The following DSCAM variants were observed in gnomAD, a reference collection of about 807,000 sequenced individuals.
DSCAM encodes the protein cell adhesion molecule DSCAM.
A neutral mutation model predicts 217.7 loss-of-function variants in DSCAM; 47 were observed. The ratio of observed to expected loss-of-function variants is 0.22; its 90% CI spans 0.17 to 0.28. The LOEUF is 0.28. Among genes scored for constraint, DSCAM ranks in the 10% least tolerant of loss-of-function variants. The pLI, the probability that DSCAM is intolerant of heterozygous loss-of-function variation, is 1.00. For missense variants in DSCAM, 2,080 were observed against 2,618.3 expected (o/e 0.79, Z 4.49); for synonymous variants, 1,056 against 1,015.3 (o/e 1.04, Z -0.76).
chr21:40,343,064 T>G (rs977622571), intron 6 of DSCAM, among the ~76,000 whole-genome samples: 10 of 152,178 alleles, frequency 6.6e-5, no homozygotes, highest in African/African-American at 2.4e-4. Flanking sequence ...ATCTTATGTT[T>G]TATGTTATTG....
chr21:40,124,124 T>C, intron 20 of DSCAM, 71 bp downstream of exon 20: 2 of 1,595,558 alleles, frequency 1.3e-6, no homozygotes, highest in South Asian at 1.1e-5. Flanking sequence ...GGAACGAAAC[T>C]GTCCAGTGCG....
chr21:40,042,509 C>G lies in DSCAM; in HGVS notation c.5548G>C (p.Gly1850Arg), dbSNP rs2088771016. The change falls in exon 32 of 33, where the codon GGG (glycine) becomes CGG (arginine). Residue 1850 changes from glycine (G) to arginine (R), a missense_variant. This residue lies in a region of DSCAM where 1,144 missense variants were observed against 1,421.1 expected (regional missense o/e 0.81). Transcript: ENST00000400454. ...SDTSSEQLTAGTNEYTDSLTS... is the reference protein window; with the variant it reads ...SDTSSEQLTARTNEYTDSLTS... ...AGACTGTCCGTGTACTCATTTGTCC[C>G]TGCCGTCAACTGCTCCGATGACGTG... 6.2e-7 allele frequency: 1 copy of G among 1,614,072 alleles called. No individual in the cohort carries two copies. The highest frequency in any genetic ancestry group is 1.3e-5 in the African/African-American group (1 of 74,922).
intron 3 of DSCAM, among the ~76,000 whole-genome samples, chr21:40,517,944 C>G (rs2076316583): frequency 6.6e-6 from 1 of 152,046 alleles, no homozygotes; most frequent in African/African-American, 2.4e-5. Flanking sequence ...GCACATGGCT[C>G]TGAGTATGAG....
At chr21:40,031,835 C>A (rs2088531024) in intron 32 of DSCAM, among the ~76,000 whole-genome samples, 1 of 152,186 alleles carries the variant, frequency 6.6e-6, no homozygotes, top group South Asian at 2.1e-4. Flanking sequence ...CCATCATTTC[C>A]AGTAAGAGTC....
At chr21:40,299,461 C>T (rs759419716) in intron 9 of DSCAM, among the ~76,000 whole-genome samples, 40 of 152,168 alleles carry the variant, frequency 2.6e-4, no homozygotes, top group Non-Finnish European at 5.7e-4. Context: ...GAGGCCACAC[C>T]CCTCAGATCT....
chr21:40,248,127 G>C (rs886420332), intron 11 of DSCAM, among the ~76,000 whole-genome samples: 1 of 152,144 alleles, frequency 6.6e-6, no homozygotes, highest in African/African-American at 2.4e-5. Context: ...CCCTGGTGTT[G>C]GCCCATGAAA....
At chr21:40,060,291 T>C (rs780712883) in intron 28 of DSCAM, among the ~76,000 whole-genome samples, 1 of 152,246 alleles carries the variant, frequency 6.6e-6, no homozygotes, top group Non-Finnish European at 1.5e-5. Flanking sequence ...GGATGCTTGC[T>C]AATGTCTTTC....
intron 20 of DSCAM, among the ~76,000 whole-genome samples, chr21:40,122,294 C>G (rs1209862679): frequency 6.6e-6 from 1 of 152,042 alleles, no homozygotes; most frequent in Non-Finnish European, 1.5e-5. Context: ...ATTTTTAGTG[C>G]AGAGATAAAG....
At chr21:40,209,948 C>T (rs749354766) in intron 11 of DSCAM, among the ~76,000 whole-genome samples, 3 of 152,210 alleles carry the variant, frequency 2.0e-5, no homozygotes, top group Non-Finnish European at 4.4e-5. Context: ...CTGCTATTTA[C>T]AGATTAAGCT....
intron 10 of DSCAM, among the ~76,000 whole-genome samples, chr21:40,282,358 C>T (rs961663389): frequency 2.6e-5 from 4 of 151,654 alleles, no homozygotes; most frequent in East Asian, 1.9e-4. Flanking sequence ...GAGGCCGAGG[C>T]GGGTGGATCA....
Position 40,338,276 on chromosome 21 carries a change from T to C in DSCAM, c.1608A>G (p.Lys536=). 6.2e-7 allele frequency: 1 copy of C among 1,614,258 alleles called. No homozygotes were observed. Residue 536 remains lysine, a synonymous_variant, in exon 8 of 33, where the codon AAA becomes AAG. Transcript: ENST00000400454. ...GAAGCAGGTTAGAGTTCTTGTACCA[T>C]TTAATGGAGTAATACGGATAGCCAA... ...RVIGYPYYSI[K]WYKNSNLLPF...
intron 3 of DSCAM, among the ~76,000 whole-genome samples, chr21:40,669,021 C>T (rs2090237422): frequency 6.6e-6 from 1 of 152,136 alleles, no homozygotes; most frequent in African/African-American, 2.4e-5. Flanking sequence ...TCCTTGAGTG[C>T]AGGGATTGCG....
chr21:40,591,186 G>A (rs2076981990), intron 3 of DSCAM, among the ~76,000 whole-genome samples: 1 of 152,112 alleles, frequency 6.6e-6, no homozygotes, highest in Non-Finnish European at 1.5e-5. Flanking sequence ...CTTCCCCTTT[G>A]CCTTCCATCA....
intron 1 of DSCAM, among the ~76,000 whole-genome samples, chr21:40,770,384 C>T (rs922008434): frequency 3.3e-5 from 5 of 152,182 alleles, no homozygotes; most frequent in Admixed American, 3.3e-4. Flanking sequence ...ACTCACACCT[C>T]CAATGGCTAG....
intron 3 of DSCAM, among the ~76,000 whole-genome samples, chr21:40,508,397 G>A (rs1469366903): frequency 6.6e-6 from 1 of 152,062 alleles, no homozygotes; most frequent in Admixed American, 6.6e-5. Flanking sequence ...TCAAAAGTCT[G>A]TTTTTGGATT....
intron 15 of DSCAM, among the ~76,000 whole-genome samples, chr21:40,175,094 C>T (rs1215680365): frequency 1.3e-5 from 2 of 152,176 alleles, no homozygotes; most frequent in African/African-American, 4.8e-5. Context: ...GACTTATACA[C>T]CACAGAAGTT....
chr21:40,225,660 T>C (rs769175638), intron 11 of DSCAM, among the ~76,000 whole-genome samples: 1 of 152,138 alleles, frequency 6.6e-6, no homozygotes, highest in Non-Finnish European at 1.5e-5. Context: ...GATAAACGTC[T>C]CTATATTCCC....
At chr21:40,784,252 A>G (rs1011933871) in intron 1 of DSCAM, among the ~76,000 whole-genome samples, 1 of 152,036 alleles carries the variant, frequency 6.6e-6, no homozygotes, top group South Asian at 2.1e-4. Flanking sequence ...GGTTTCCCCT[A>G]TACTGTTCTC....
chr21:40,603,306 C>G (rs1339801953), intron 3 of DSCAM, among the ~76,000 whole-genome samples: 1 of 152,066 alleles, frequency 6.6e-6, no homozygotes, highest in Non-Finnish European at 1.5e-5. Context: ...TGCTGTTGTT[C>G]ATGAAGTATT....
Sources: gnomAD v4.1 joint callset for allele counts (sites outside exome capture counted in the v4.1 genomes callset) on GRCh38, gnomAD v4.1.1 for gene constraint, gnomAD v4.1.1 regional missense constraint, MANE v1.5 for transcripts, NCBI Gene and HGNC (gene_info 2026-07-23, HGNC 2026-07-21) for gene names.